Variants in AGBL4 observed in about 807,000 individuals in gnomAD.
The protein encoded by AGBL4 is AGBL carboxypeptidase 4.
Under a neutral mutation model 66.4 loss-of-function variants are expected in AGBL4, and 58 were observed. The observed-to-expected ratio is 0.87, with a 90% CI of 0.71 to 1.09. The LOEUF (loss-of-function observed/expected upper bound fraction) is 1.09, where lower values mean the gene tolerates loss of function less well. AGBL4 is among the 50% of genes least tolerant of loss of function. The pLI is 0.00. For synonymous variants in AGBL4, 234 were observed against 222.9 expected (o/e 1.05, Z -0.44); for missense variants, 579 against 631.0 (o/e 0.92, Z 0.88).
chr1:49,881,947 C>T (rs1647373165), intron 1 of AGBL4, among the ~76,000 whole-genome samples: 1 of 152,120 alleles, frequency 6.6e-6, no homozygotes, highest in African/African-American at 2.4e-5. Flanking sequence ...GTGTTTTGGA[C>T]ATGAAGTCCT....
At chr1:49,968,733 C>A (rs932389440) in intron 1 of AGBL4, among the ~76,000 whole-genome samples, 2 of 152,062 alleles carry the variant, frequency 1.3e-5, no homozygotes, top group Admixed American at 1.3e-4. Flanking sequence ...CCATTTTTTC[C>A]TGCCTCATTT....
At chr1:48,689,458 C>CTCCT (rs939102305) in intron 6 of AGBL4, among the ~76,000 whole-genome samples, 1 of 149,722 alleles carries the variant, frequency 6.7e-6, no homozygotes, top group Admixed American at 6.7e-5. Flanking sequence ...CCCTCCCTCC[C>CTCCT]TCCTTCCTTC....
intron 3 of AGBL4, among the ~76,000 whole-genome samples, chr1:49,658,766 C>A (rs1646205595): frequency 6.6e-6 from 1 of 151,854 alleles, no homozygotes; most frequent in South Asian, 2.1e-4. Context: ...GGACAAAAAA[C>A]CAAACACCGC....
intron 1 of AGBL4, among the ~76,000 whole-genome samples, chr1:49,872,425 C>T (rs540902553): frequency 2.1e-3 from 313 of 152,080 alleles, no homozygotes; most frequent in Non-Finnish European, 3.0e-3. Flanking sequence ...AACAATGAGG[C>T]TGATCCATGG....
At chr1:49,188,467 CA>C (rs1647055459) in intron 4 of AGBL4, among the ~76,000 whole-genome samples, 2 of 152,124 alleles carry the variant, frequency 1.3e-5, no homozygotes, top group Non-Finnish European at 2.9e-5. Context: ...CACTGGGATT[CA>C]ATGGTGAACC....
chr1:49,902,612 T>C (rs188965063), intron 1 of AGBL4, among the ~76,000 whole-genome samples: 118 of 152,256 alleles, frequency 7.8e-4, no homozygotes, highest in Admixed American at 1.3e-3. Flanking sequence ...CTGGGCGTGG[T>C]GGCACACGCC....
intron 1 of AGBL4, among the ~76,000 whole-genome samples, chr1:49,917,015 C>T (rs1651597403): frequency 6.6e-6 from 1 of 152,076 alleles, no homozygotes; most frequent in African/African-American, 2.4e-5. Flanking sequence ...AAATAAAATC[C>T]TTTACAGACA....
intron 4 of AGBL4, among the ~76,000 whole-genome samples, chr1:49,136,430 G>A (rs1646012592): frequency 6.6e-6 from 1 of 152,164 alleles, no homozygotes; most frequent in Non-Finnish European, 1.5e-5. Context: ...GATGCACCTT[G>A]TCCACTACAT....
At chr1:49,233,021 G>A (rs1175185217) in intron 4 of AGBL4, among the ~76,000 whole-genome samples, 1 of 151,738 alleles carries the variant, frequency 6.6e-6, no homozygotes, top group African/African-American at 2.4e-5. Context: ...ACTACTGATG[G>A]GTACTTGGAT....
intron 4 of AGBL4, among the ~76,000 whole-genome samples, chr1:49,061,043 C>T (rs1644393097): frequency 6.6e-6 from 1 of 152,152 alleles, no homozygotes; most frequent in Non-Finnish European, 1.5e-5. Context: ...GGAGCCAAGA[C>T]TGAGTCAGCA....
chr1:48,879,218 A>G (rs1328065857), intron 5 of AGBL4, among the ~76,000 whole-genome samples: 1 of 151,382 alleles, frequency 6.6e-6, no homozygotes, highest in Non-Finnish European at 1.5e-5. Flanking sequence ...AAAGACAAAA[A>G]TGTTATTTTC....
rs538525968 is a variant in AGBL4, at chr1:49,730,440, A to G, written c.158-33003T>C. Among the ~76,000 whole-genome samples the G allele has an allele frequency of 1.4e-4, 22 of 152,298 alleles. No homozygotes were observed. In the South Asian group the frequency reaches 1.9e-3, roughly 13 times the overall value. On this transcript the variant is annotated intron_variant, in intron 2 of 13. Transcript: ENST00000371839. Reference sequence around the variant, plus strand: ...GGGGCCCAGACCTCGGGACTCCCCAAGCCAGAACTATGACATGCCCCCATT... The same window carrying G: ...GGGGCCCAGACCTCGGGACTCCCCAGGCCAGAACTATGACATGCCCCCATT...
At chr1:50,017,619 A>T (rs1662090979) in intron 1 of AGBL4, 1 of 152,182 alleles carries the variant, frequency 6.6e-6, no homozygotes, top group African/African-American at 2.4e-5. Context: ...ATACTAAGGG[A>T]ATTAACGCAG....
At chr1:48,752,418 G>A (rs929761226) in intron 6 of AGBL4, among the ~76,000 whole-genome samples, 6 of 152,288 alleles carry the variant, frequency 3.9e-5, no homozygotes, top group East Asian at 1.9e-4. Flanking sequence ...AAAGTTGGGC[G>A]TGGTAATGGA....
At chr1:49,872,834 G>A (rs1284285574) in intron 1 of AGBL4, among the ~76,000 whole-genome samples, 2 of 151,910 alleles carry the variant, frequency 1.3e-5, no homozygotes, top group Non-Finnish European at 2.9e-5. Flanking sequence ...AAGAAAAAAT[G>A]TTTGAAAATA....
At chr1:49,486,065 G>A (rs967627375) in intron 3 of AGBL4, among the ~76,000 whole-genome samples, 1 of 151,912 alleles carries the variant, frequency 6.6e-6, no homozygotes, top group African/African-American at 2.4e-5. Flanking sequence ...GATGCTCAAA[G>A]CTGACAATTG....
At chr1:49,033,907 A>G (rs1387723451) in intron 5 of AGBL4, among the ~76,000 whole-genome samples, 1 of 148,556 alleles carries the variant, frequency 6.7e-6, no homozygotes, top group African/African-American at 2.5e-5. Context: ...AATCTTCCCT[A>G]TGCTACCTAA....
chr1:49,726,551 C>T (rs1044212142), intron 2 of AGBL4, among the ~76,000 whole-genome samples: 1 of 152,020 alleles, frequency 6.6e-6, no homozygotes, highest in African/African-American at 2.4e-5. Flanking sequence ...GAAATATTAA[C>T]AAATTTATGA....
intron 1 of AGBL4, among the ~76,000 whole-genome samples, chr1:49,977,598 T>C (rs574684372): frequency 6.6e-6 from 1 of 152,216 alleles, no homozygotes; most frequent in Non-Finnish European, 1.5e-5. Flanking sequence ...TTCTGTACAA[T>C]AGTAAAATGT....
Sources: allele counts gnomAD v4.1 joint callset (sites outside exome capture counted in the v4.1 genomes callset), GRCh38; gene constraint gnomAD v4.1.1; transcripts MANE v1.5; gene names NCBI Gene and HGNC (gene_info 2026-07-23, HGNC 2026-07-21).